Variants in SIL1 observed in about 807,000 individuals in gnomAD.
The protein encoded by SIL1 is nucleotide exchange factor SIL1.
SIL1 carries 40 observed loss-of-function variants against 49.1 expected under a neutral mutation model. The observed-to-expected ratio is 0.81, with a 90% confidence interval of 0.63 to 1.06. The LOEUF (loss-of-function observed/expected upper bound fraction) is 1.06. SIL1 is among the 50% of genes least tolerant of loss of function. The pLI is 0.00. For synonymous variants in SIL1, 253 were observed against 250.8 expected, an observed-to-expected ratio of 1.01 and a Z score of -0.08; for missense variants, 500 against 572.6, an observed-to-expected ratio of 0.87 and a Z score of 1.29.
rs1768669204 is a variant in SIL1 at position 139,026,927 on chromosome 5, C to T, written c.519G>A (p.Glu173=). ...TGTCAGTCTCAATGACAACATTCAG[C>T]TCATCAAAGTCTTTCTTCAGTTCCT... The part of the protein sequence containing the change: ...PIEELKKDFD[E]LNVVIETDMQ... The change falls in exon 6 of 10, where the codon GAG becomes GAA. Residue 173 remains glutamate, a synonymous_variant. Transcript: ENST00000394817. The T allele has an allele frequency of 1.2e-6, 2 of 1,614,194 alleles. No homozygotes were observed. The highest frequency in any genetic ancestry group is 1.7e-6 in the Non-Finnish European group (2 of 1,180,028).
chr5:139,039,928 G>A (rs538669364), intron 5 of SIL1, among the ~76,000 whole-genome samples: 2 of 152,146 alleles, frequency 1.3e-5, no homozygotes, highest in East Asian at 3.9e-4. Context: ...AAGAACCAAG[G>A]AACTCCGGGA....
intron 6 of SIL1, among the ~76,000 whole-genome samples, chr5:139,024,325 C>T (rs1768597212): frequency 6.6e-6 from 1 of 152,074 alleles, no homozygotes; most frequent in African/African-American, 2.4e-5. Context: ...GAGAGTAAGA[C>T]TGGAAAGGGG....
intron 1 of SIL1, among the ~76,000 whole-genome samples, chr5:139,129,018 A>T (rs991735893): frequency 6.6e-6 from 1 of 152,172 alleles, no homozygotes; most frequent in African/African-American, 2.4e-5. Context: ...GTGGTGGCAC[A>T]TGCCTGTAGT....
intron 1 of SIL1, among the ~76,000 whole-genome samples, chr5:139,165,286 C>A (rs1751595903): frequency 6.6e-6 from 1 of 152,198 alleles, no homozygotes; most frequent in Admixed American, 6.5e-5. Context: ...TTAAATTTAC[C>A]TATAGCCTGG....
intron 3 of SIL1, among the ~76,000 whole-genome samples, chr5:139,090,036 C>G (rs1417497411): frequency 1.3e-5 from 2 of 151,962 alleles, no homozygotes; most frequent in African/African-American, 4.8e-5. Flanking sequence ...TTTCTCATCT[C>G]CTTTCATTTT....
intron 1 of SIL1, among the ~76,000 whole-genome samples, chr5:139,136,345 G>A (rs1750973473): frequency 2.6e-5 from 4 of 152,218 alleles, no homozygotes; most frequent in Admixed American, 6.5e-5. Flanking sequence ...TGTTGAAGAC[G>A]AAGAGGTAGA....
chr5:138,999,496 TA>T (rs533731888), intron 7 of SIL1, among the ~76,000 whole-genome samples: 1 of 151,766 alleles, frequency 6.6e-6, no homozygotes, highest in African/African-American at 2.4e-5. Context: ...CCTATCTGTG[TA>T]AAAAAAATGA....
intron 5 of SIL1, among the ~76,000 whole-genome samples, chr5:139,031,426 T>C (rs1168118813): frequency 6.6e-6 from 1 of 152,236 alleles, no homozygotes; most frequent in Non-Finnish European, 1.5e-5. Flanking sequence ...TCAGTTGTAT[T>C]AGTGTGGGTC....
chr5:139,097,231 G>A (rs966200721), intron 3 of SIL1, among the ~76,000 whole-genome samples: 1 of 151,928 alleles, frequency 6.6e-6, no homozygotes, highest in African/African-American at 2.4e-5. Context: ...CACCTCTAGA[G>A]CGAGGTGCCG....
chr5:138,965,015 T>G (rs1000051573), intron 7 of SIL1, among the ~76,000 whole-genome samples: 1 of 152,216 alleles, frequency 6.6e-6, no homozygotes, highest in Non-Finnish European at 1.5e-5. Context: ...AGGGTGACGC[T>G]GGGAAGAGGG....
At chr5:139,055,941 G>C (rs1045358756) in intron 3 of SIL1, among the ~76,000 whole-genome samples, 9 of 152,172 alleles carry the variant, frequency 5.9e-5, no homozygotes, top group Admixed American at 5.2e-4. Context: ...CCGAAGTGCC[G>C]GGATTGCAGA....
intron 5 of SIL1, among the ~76,000 whole-genome samples, chr5:139,033,517 T>G (rs981538574): frequency 6.6e-6 from 1 of 151,900 alleles, no homozygotes; most frequent in Admixed American, 6.6e-5. Flanking sequence ...CCCTTCCAGC[T>G]TTAGTTGGAT....
At chr5:139,165,128 T>C (rs1375984159) in intron 1 of SIL1, among the ~76,000 whole-genome samples, 1 of 152,162 alleles carries the variant, frequency 6.6e-6, no homozygotes, top group African/African-American at 2.4e-5. Flanking sequence ...AAGAAACATT[T>C]TACAACCTGC....
chr5:139,150,542 G>A (rs1751276396), intron 1 of SIL1, among the ~76,000 whole-genome samples: 1 of 152,076 alleles, frequency 6.6e-6, no homozygotes, highest in South Asian at 2.1e-4. Context: ...GTCGCAAGCT[G>A]TCAATCAAGC....
At position 139,026,886 on chromosome 5, in the gene SIL1, C is replaced by T. The variant is rs765997015; in HGVS notation, c.560G>A (p.Arg187Gln). Residue 187 changes from arginine to glutamine, a missense_variant, in exon 6 of 10, where the codon CGG becomes CAG. Physicochemically the swap from Arg to Gln is conservative, Grantham distance 43. Coordinates refer to ENST00000394817, the MANE Select transcript of SIL1 (RefSeq NM_022464.5). ...GGAACTATTGAACTTGTTGATCAGC[C>T]GTACCATGATCTGCATGTCAGTCTC... is the stretch of plus-strand genomic sequence containing the variant. The part of the protein sequence containing the change: ...VIETDMQIMV[R>Q]LINKFNSSSS... The T allele has an allele frequency of 8.7e-6, 14 of 1,614,040 alleles. No homozygotes were observed. The highest frequency in any genetic ancestry group is 1.2e-5 in the Non-Finnish European group (14 of 1,180,036).
chr5:139,058,970 A>ATATGTGTGTGTGTGTGTG (rs150598113), intron 3 of SIL1, among the ~76,000 whole-genome samples: 7 of 150,228 alleles, frequency 4.7e-5, no homozygotes, highest in Non-Finnish European at 7.4e-5. Context: ...AGAAATGTGT[A>ATATGTGTGTGTGTGTGTG]TGTGTGTGTG....
At chr5:139,112,968 C>T (rs961525726) in intron 3 of SIL1, among the ~76,000 whole-genome samples, 2 of 152,234 alleles carry the variant, frequency 1.3e-5, no homozygotes, top group African/African-American at 4.8e-5. Context: ...ATTCTTCTGC[C>T]TTGGGATGCT....
rs564210950 is a variant in SIL1 at position 138,971,900 on chromosome 5, A to C, written c.768-20016T>G. Among the ~76,000 whole-genome samples the C allele has an allele frequency of 6.6e-5, 10 of 152,234 alleles. No homozygotes were observed. The South Asian group carries it at 2.1e-3, about 32-fold the overall frequency. On this transcript the variant is annotated intron_variant, in intron 7 of 9. Transcript: ENST00000394817. ...CCAGGGCCCACGGCACACTCTTCTA[A>C]CATCCTCACTGGGCTCCAACCAACA...
At chr5:139,040,490 TC>T (rs376294658) in intron 5 of SIL1, among the ~76,000 whole-genome samples, 6,810 of 113,352 alleles carry the variant, frequency 0.06, 1,405 homozygotes, top group African/African-American at 0.22. Flanking sequence ...TTTTCTTTTT[TC>T]TTTTTTCTTT....
Sources: allele counts gnomAD v4.1 joint callset (sites outside exome capture counted in the v4.1 genomes callset), GRCh38; gene constraint gnomAD v4.1.1; transcripts MANE v1.5; gene names NCBI Gene and HGNC (gene_info 2026-07-23, HGNC 2026-07-21).